The following NRXN1 variants were observed in gnomAD, a reference collection of about 807,000 sequenced individuals.
NRXN1 encodes the protein neurexin 1, also known as neurexin-1.
Under a neutral mutation model 150.9 loss-of-function variants are expected in NRXN1, and 39 were observed. The observed-to-expected ratio is 0.26, with a 90% CI of 0.20 to 0.34. The LOEUF (loss-of-function observed/expected upper bound fraction) is 0.34. NRXN1 is among the 10% of genes least tolerant of loss of function. NRXN1 has a pLI of 1.00. For synonymous variants in NRXN1, 924 were observed against 757.0 expected (o/e 1.22, Z -3.62); for missense variants, 1,815 against 1,949.9 (o/e 0.93, Z 1.30).
At position 50,450,438 on chromosome 2, in the gene NRXN1, G is replaced by GA. The variant is rs10568240; in HGVS notation, c.3364+15003dup. Among the ~76,000 whole-genome samples, 179 of 143,076 alleles carry GA rather than the reference G, an allele frequency of 1.3e-3. 1 individual carries two copies. The Middle Eastern group carries it at 0.03, about 24-fold the overall frequency. 93.9% of individuals were successfully genotyped at this position (143,076 alleles called of 152,430 possible). ...TTGTGATAGGTCATGGAGCAAAACA[G>GA]AAAAAAAAAAAAAATCCCTTCTATC... On this transcript the variant is annotated intron_variant, in intron 17 of 22. Coordinates refer to ENST00000401669, the MANE Select transcript of NRXN1 (RefSeq NM_001330078.2).
rs546341672 is a variant in NRXN1 at position 50,995,257 on chromosome 2, T to C, written c.772+32245A>G. 9.2e-5 allele frequency among the ~76,000 whole-genome samples: 14 copies of C among 151,946 alleles called. 1 individual carries two copies. In the South Asian group the frequency reaches 2.5e-3, roughly 27 times the overall value. On this transcript the variant is annotated intron_variant, in intron 2 of 22. Transcript: ENST00000401669. The stretch of plus-strand genomic sequence containing the variant: ...GAGGACACTGAGACACAGAGAGTAG[T>C]TGGGACAACCCGAGGTCAAACCACA...
At chr2:50,372,373 C>G (rs544260648) in intron 17 of NRXN1, among the ~76,000 whole-genome samples, 2 of 152,096 alleles carry the variant, frequency 1.3e-5, no homozygotes, top group East Asian at 3.9e-4. Context: ...ATAGGTTTTC[C>G]ACCTGAAATG....
chr2:50,519,466 TC>T (rs1359643442), intron 12 of NRXN1, among the ~76,000 whole-genome samples: 1 of 152,004 alleles, frequency 6.6e-6, no homozygotes, highest in East Asian at 1.9e-4. Flanking sequence ...CAGGAAATGT[TC>T]TAAAATGGCA....
chr2:50,686,461 A>T (rs1254966160), intron 5 of NRXN1, among the ~76,000 whole-genome samples: 5 of 152,186 alleles, frequency 3.3e-5, no homozygotes, highest in African/African-American at 7.2e-5. Flanking sequence ...TAGATACAAG[A>T]CCATGTCAGC....
intron 2 of NRXN1, among the ~76,000 whole-genome samples, chr2:50,935,633 C>T (rs1012502858): frequency 6.6e-5 from 10 of 151,802 alleles, no homozygotes; most frequent in African/African-American, 1.7e-4. Flanking sequence ...AGGCTGAGGC[C>T]GGATAATCAC....
intron 12 of NRXN1, 153 bp from the exon 13 acceptor site, chr2:50,506,770 G>C (rs1239012331): frequency 9.2e-6 from 7 of 761,820 alleles, no homozygotes; most frequent in South Asian, 2.3e-5. Flanking sequence ...GGGAGAGAAA[G>C]GAAACAGAGA....
At chr2:50,654,294 C>T (rs1411722610) in intron 5 of NRXN1, among the ~76,000 whole-genome samples, 2 of 146,370 alleles carry the variant, frequency 1.4e-5, no homozygotes, top group African/African-American at 5.0e-5. Context: ...TTTTTTTGTC[C>T]TTGCCATAGT....
At chr2:50,954,819 T>A (rs565846739) in intron 2 of NRXN1, among the ~76,000 whole-genome samples, 1 of 152,280 alleles carries the variant, frequency 6.6e-6, no homozygotes, top group Admixed American at 6.5e-5. Flanking sequence ...AAAACCAGAA[T>A]TCACTGTCAG....
chr2:50,623,893 G>A (rs1156745657), intron 5 of NRXN1, among the ~76,000 whole-genome samples: 4 of 152,046 alleles, frequency 2.6e-5, no homozygotes, highest in Middle Eastern at 3.4e-3. Context: ...CCATTAACTC[G>A]TCATTTAGCA....
At chr2:50,638,638 G>A (rs1573918785) in intron 5 of NRXN1, among the ~76,000 whole-genome samples, 1 of 152,080 alleles carries the variant, frequency 6.6e-6, no homozygotes, top group African/African-American at 2.4e-5. Context: ...ACATTCACAG[G>A]CTCCAATTGC....
At chr2:50,855,295 C>T (rs761283719) in intron 5 of NRXN1, among the ~76,000 whole-genome samples, 5 of 151,834 alleles carry the variant, frequency 3.3e-5, no homozygotes, top group Admixed American at 6.6e-5. Context: ...AAGCAATGAA[C>T]GTATGTTTCA....
chr2:50,367,465 T>A (rs2079667984), intron 17 of NRXN1, among the ~76,000 whole-genome samples: 2 of 152,014 alleles, frequency 1.3e-5, no homozygotes, highest in African/African-American at 2.4e-5. Context: ...ATCAAATTAT[T>A]TATTTATCTA....
intron 5 of NRXN1, among the ~76,000 whole-genome samples, chr2:50,888,081 A>G (rs901607671): frequency 4.6e-5 from 7 of 151,498 alleles, no homozygotes; most frequent in African/African-American, 1.5e-4. Flanking sequence ...ATCTGTCTTA[A>G]TCTTTCAAGA....
intron 5 of NRXN1, among the ~76,000 whole-genome samples, chr2:50,769,431 C>T (rs1702750534): frequency 6.6e-6 from 1 of 152,062 alleles, no homozygotes; most frequent in South Asian, 2.1e-4. Flanking sequence ...AAATATTATA[C>T]ATTTTGATAA....
intron 5 of NRXN1, among the ~76,000 whole-genome samples, chr2:50,807,129 G>A (rs1190531481): frequency 2.0e-5 from 3 of 152,076 alleles, no homozygotes; most frequent in Non-Finnish European, 4.4e-5. Context: ...TAGAGTCTCT[G>A]AATCATATTA....
chr2:50,469,663 C>A (rs1333313869), intron 16 of NRXN1, among the ~76,000 whole-genome samples: 6 of 150,962 alleles, frequency 4.0e-5, no homozygotes, highest in African/African-American at 1.5e-4. Context: ...TTCCTAGAAA[C>A]TATACAGGTC....
At chr2:50,602,472 A>T (rs992549254) in intron 8 of NRXN1, among the ~76,000 whole-genome samples, 1 of 151,854 alleles carries the variant, frequency 6.6e-6, no homozygotes, top group Non-Finnish European at 1.5e-5. Context: ...AGATCTCTTC[A>T]CTGTTCAGAA....
intron 2 of NRXN1, among the ~76,000 whole-genome samples, chr2:50,988,837 T>C (rs1196312155): frequency 1.3e-5 from 2 of 151,962 alleles, no homozygotes; most frequent in Non-Finnish European, 2.9e-5. Context: ...AAAACTTCAG[T>C]TTTCCTTTAT....
chr2:50,901,187 G>C (rs1682883182), intron 5 of NRXN1, among the ~76,000 whole-genome samples: 1 of 152,156 alleles, frequency 6.6e-6, no homozygotes, highest in African/African-American at 2.4e-5. Flanking sequence ...GCCCACAAGA[G>C]GGGATTCAAT....
Sources: gnomAD v4.1 joint callset for allele counts (sites outside exome capture counted in the v4.1 genomes callset) on GRCh38, gnomAD v4.1.1 for gene constraint, MANE v1.5 for transcripts, NCBI Gene and HGNC (gene_info 2026-07-23, HGNC 2026-07-21) for gene names.